Variants in LDLRAD4 observed in about 807,000 individuals in gnomAD.
LDLRAD4 encodes low density lipoprotein receptor class A domain containing 4, also known as low-density lipoprotein receptor class A domain-containing protein 4.
A neutral mutation model predicts 17.0 loss-of-function variants in LDLRAD4; 5 were observed. The ratio of observed to expected loss-of-function variants is 0.29; its 90% CI spans 0.15 to 0.62. The LOEUF is 0.62. Among genes scored for constraint, LDLRAD4 ranks in the 20% least tolerant of loss-of-function variants. The probability of loss-of-function intolerance (pLI) is 0.84; values close to 1 mark genes in which losing one functional copy is unlikely to be tolerated. For synonymous variants in LDLRAD4, 168 were observed against 171.8 expected (o/e 0.98, Z 0.17); for missense variants, 340 against 424.7 (o/e 0.80, Z 1.75).
intron 1 of LDLRAD4, among the ~76,000 whole-genome samples, chr18:13,220,708 T>G (rs965112027): frequency 1.3e-5 from 2 of 152,248 alleles, no homozygotes; most frequent in African/African-American, 4.8e-5. Context: ...TGCTGTAGTC[T>G]TGGTTGACTT....
chr18:13,630,111 T>TA (rs34395605), intron 4 of LDLRAD4, among the ~76,000 whole-genome samples: 7,878 of 152,310 alleles, frequency 0.052, 638 homozygotes, highest in African/African-American at 0.17. Context: ...AGGCACCTCA[T>TA]ATTGCTTTTC....
chr18:13,280,967 A>G lies in LDLRAD4; in HGVS notation c.-383+2779A>G, dbSNP rs572672506. Reference sequence around the variant, plus strand: ...TAAGGTAAAATCAAAGAGGACCAATAGTACTGGGAGAAGCAATCATTACCT... The same window carrying G: ...TAAGGTAAAATCAAAGAGGACCAATGGTACTGGGAGAAGCAATCATTACCT... On this transcript the variant is annotated intron_variant, in intron 1 of 5. Coordinates refer to ENST00000359446, the Ensembl canonical transcript of LDLRAD4. 1.4e-4 allele frequency among the ~76,000 whole-genome samples: 21 copies of G among 152,360 alleles called. No homozygotes were observed. In the South Asian group the frequency reaches 4.3e-3, roughly 32 times the overall value.
intron 1 of LDLRAD4, chr18:13,279,877 G>T (rs913074444): frequency 6.6e-6 from 1 of 152,196 alleles, no homozygotes; most frequent in African/African-American, 2.4e-5. Context: ...TCTAAAATAG[G>T]TTCTTACAGC....
chr18:13,576,734 A>G (rs1273848982), intron 3 of LDLRAD4, among the ~76,000 whole-genome samples: 2 of 152,180 alleles, frequency 1.3e-5, no homozygotes, highest in East Asian at 1.9e-4. Flanking sequence ...GGGACCACAG[A>G]TAGTCATGGT....
chr18:13,308,257 A>G (rs1599293825), intron 1 of LDLRAD4, among the ~76,000 whole-genome samples: 1 of 152,170 alleles, frequency 6.6e-6, no homozygotes, highest in Non-Finnish European at 1.5e-5. Context: ...GTTTACAGCC[A>G]TCTGGTGTCC....
At chr18:13,294,068 C>T (rs961381329) in intron 1 of LDLRAD4, among the ~76,000 whole-genome samples, 2 of 152,224 alleles carry the variant, frequency 1.3e-5, no homozygotes, top group Non-Finnish European at 2.9e-5. Context: ...TTTTGAATTG[C>T]AGACGTGTGA....
At chr18:13,360,718 T>C (rs887524931) in intron 1 of LDLRAD4, among the ~76,000 whole-genome samples, 2 of 152,222 alleles carry the variant, frequency 1.3e-5, no homozygotes, top group Non-Finnish European at 2.9e-5. Context: ...GCAAGGCCAC[T>C]GAGATGCAGG....
chr18:13,567,815 C>T (rs1237745983), intron 3 of LDLRAD4, among the ~76,000 whole-genome samples: 1 of 151,746 alleles, frequency 6.6e-6, no homozygotes, highest in African/African-American at 2.4e-5. Context: ...ATAATGGTGT[C>T]ATCATTTAAA....
intron 4 of LDLRAD4, among the ~76,000 whole-genome samples, chr18:13,636,689 G>T (rs977379588): frequency 2.6e-5 from 4 of 151,594 alleles, no homozygotes; most frequent in Non-Finnish European, 5.9e-5. Flanking sequence ...TAGTAGAGAC[G>T]GTTTTTCACC....
At chr18:13,607,033 A>C (rs969871696) in intron 3 of LDLRAD4, among the ~76,000 whole-genome samples, 1 of 152,330 alleles carries the variant, frequency 6.6e-6, no homozygotes, top group Admixed American at 6.5e-5. Context: ...AAATCAAAGT[A>C]AGTCATCATC....
chr18:13,242,408 A>G (rs2042708548), intron 1 of LDLRAD4, among the ~76,000 whole-genome samples: 2 of 152,222 alleles, frequency 1.3e-5, no homozygotes, highest in Admixed American at 1.3e-4. Flanking sequence ...TGATCGGGTG[A>G]TTAGTGGAAT....
rs1476542364 is a variant in LDLRAD4, at chr18:13,509,331, C to A, written c.181+70947C>A. ...CCTGTCTCAAAGACAGCAACAAAAA[C>A]ACAACAGGTATTTGGAAGAATTGGG... On this transcript the variant is annotated intron_variant, in intron 3 of 5. Transcript: ENST00000359446. Among the ~76,000 whole-genome samples the A allele has an allele frequency of 7.9e-5, 12 of 152,292 alleles. No homozygotes were observed. The East Asian group carries it at 1.4e-3, about 17-fold the overall frequency.
At position 13,622,790 on chromosome 18, in the gene LDLRAD4, C is replaced by T. The variant is rs1568421364; in HGVS notation, c.336+1519C>T. Among the ~76,000 whole-genome samples, 1 of 152,228 alleles carries T rather than the reference C, an allele frequency of 6.6e-6. No homozygotes were observed. The highest frequency in any genetic ancestry group is 1.9e-4 in the East Asian group (1 of 5,200). On this transcript the variant is annotated intron_variant, in intron 4 of 5. Transcript: ENST00000359446. The surrounding 1 kb of genome is among the most constrained non-coding windows in gnomAD (Gnocchi z 5.3). ...GTTTCAGAACCGCAGAAGGCTCAGACATCGCTGCTTTGCCTTAATGTATTA... is the reference window on the plus strand; with the variant it reads ...GTTTCAGAACCGCAGAAGGCTCAGATATCGCTGCTTTGCCTTAATGTATTA...
intron 3 of LDLRAD4, chr18:13,489,663 T>G (rs2093318254): frequency 6.6e-6 from 1 of 152,216 alleles, no homozygotes; most frequent in Admixed American, 6.5e-5. Context: ...AGCCTCCAGT[T>G]ATATGAAACT....
intron 2 of LDLRAD4, among the ~76,000 whole-genome samples, chr18:13,432,072 T>G (rs527467026): frequency 1.5e-4 from 23 of 152,284 alleles, no homozygotes; most frequent in Non-Finnish European, 3.2e-4. Context: ...GGGATTCACG[T>G]TGATAACACG....
intron 1 of LDLRAD4, among the ~76,000 whole-genome samples, chr18:13,291,582 G>C (rs1049511206): frequency 6.6e-6 from 1 of 151,964 alleles, no homozygotes; most frequent in Non-Finnish European, 1.5e-5. Flanking sequence ...CTCTTCCTTC[G>C]CCCACAGTAG....
In LDLRAD4 at chr18:13,621,052, G is replaced by A. The variant is rs2040581132; in HGVS notation, c.182-65G>A. The A allele has an allele frequency of 6.2e-7, 1 of 1,611,056 alleles. No individual in the cohort carries two copies. Among genetic ancestry groups the A allele is most frequent in the Admixed American group, 1.7e-5 (1 of 59,992 alleles). ...GGGCCTGATGGCTGGGGTGGTGACAGTGCCTGGAGAATGGGTGGGGACTGG... is the reference window on the plus strand; with the variant it reads ...GGGCCTGATGGCTGGGGTGGTGACAATGCCTGGAGAATGGGTGGGGACTGG... On this transcript the variant is annotated intron_variant, in intron 3 of 5. Transcript: ENST00000359446. The surrounding 1 kb of genome is among the most constrained non-coding windows in gnomAD (Gnocchi z 5.5).
intron 1 of LDLRAD4, among the ~76,000 whole-genome samples, chr18:13,305,542 A>G (rs1016417639): frequency 5.3e-5 from 8 of 152,182 alleles, no homozygotes; most frequent in Admixed American, 4.6e-4. Flanking sequence ...GCAATACCAT[A>G]AGCCTCGAAG....
intron 1 of LDLRAD4, among the ~76,000 whole-genome samples, 175 bp downstream of exon 1, chr18:13,219,163 C>T (rs1445022490): frequency 2.0e-5 from 3 of 150,930 alleles, no homozygotes; most frequent in African/African-American, 7.3e-5. Flanking sequence ...GTGGGCGGCA[C>T]TGGGGGAAGG....
Sources: gnomAD v4.1 joint callset for allele counts (sites outside exome capture counted in the v4.1 genomes callset) on GRCh38, gnomAD v4.1.1 for gene constraint, Gnocchi (gnomAD v3.1) non-coding constraint, MANE v1.5 for transcripts, NCBI Gene and HGNC (gene_info 2026-07-23, HGNC 2026-07-21) for gene names.